Variants in MGAT4C observed in about 807,000 individuals in gnomAD.
MGAT4C encodes the protein MGAT4 family member C, also known as alpha-1,3-mannosyl-glycoprotein 4-beta-N-acetylglucosaminyltransferase C.
A neutral mutation model predicts 40.1 loss-of-function variants in MGAT4C; 19 were observed. That is an observed-to-expected ratio of 0.47 (90% confidence interval 0.33 to 0.70). The LOEUF (loss-of-function observed/expected upper bound fraction) is 0.70. Ranked by LOEUF, MGAT4C falls within the 30% of genes least tolerant of loss-of-function variation. The pLI, the probability that MGAT4C is intolerant of heterozygous loss-of-function variation, is 0.02. For missense variants in MGAT4C, 491 were observed against 563.2 expected (o/e 0.87, Z 1.30); for synonymous variants, 181 against 187.1 (o/e 0.97, Z 0.27).
intron 1 of MGAT4C, among the ~76,000 whole-genome samples, chr12:86,105,871 T>C (rs1876065489): frequency 6.6e-6 from 1 of 152,216 alleles, no homozygotes; most frequent in Non-Finnish European, 1.5e-5. Context: ...ATTTATTTTG[T>C]GCACTTACTT....
At chr12:86,125,717 A>G (rs1051666377) in intron 1 of MGAT4C, among the ~76,000 whole-genome samples, 1 of 152,202 alleles carries the variant, frequency 6.6e-6, no homozygotes, top group Non-Finnish European at 1.5e-5. Flanking sequence ...AGGACAAAAT[A>G]CCAAGAAATC....
chr12:86,622,169 A>G (rs563765748), intron 2 of MGAT4C, among the ~76,000 whole-genome samples: 2 of 152,146 alleles, frequency 1.3e-5, no homozygotes, highest in Non-Finnish European at 2.9e-5. Flanking sequence ...TTTTATTGGT[A>G]AATGGGGAAG....
chr12:86,254,873 C>G (rs1592598564), intron 1 of MGAT4C, among the ~76,000 whole-genome samples: 1 of 151,902 alleles, frequency 6.6e-6, no homozygotes, highest in African/African-American at 2.4e-5. Flanking sequence ...TTGTTCAGAC[C>G]TGAATGGACT....
At chr12:86,140,553 A>G (rs578003280) in intron 1 of MGAT4C, among the ~76,000 whole-genome samples, 43 of 152,204 alleles carry the variant, frequency 2.8e-4, no homozygotes, top group Admixed American at 2.6e-3. Context: ...GAAATACCTA[A>G]TGTAGATGAC....
intron 4 of MGAT4C, among the ~76,000 whole-genome samples, chr12:86,318,641 A>G (rs77902320): frequency 7.2e-4 from 109 of 152,312 alleles, no homozygotes; most frequent in Middle Eastern, 6.8e-3. Context: ...CATGAACAAA[A>G]AAGTCCTGAC....
intron 1 of MGAT4C, among the ~76,000 whole-genome samples, chr12:86,229,640 A>G (rs556682971): frequency 3.9e-5 from 6 of 152,138 alleles, no homozygotes; most frequent in South Asian, 2.1e-4. Context: ...TTTCTTGGCC[A>G]TAAGTAGCTT....
chr12:86,190,653 AT>A (rs1168834275), intron 1 of MGAT4C, among the ~76,000 whole-genome samples: 1 of 152,008 alleles, frequency 6.6e-6, no homozygotes, highest in African/African-American at 2.4e-5. Flanking sequence ...TGAGCTCACA[AT>A]TTTACTTCTA....
chr12:86,165,296 A>G (rs1270007046), intron 1 of MGAT4C, among the ~76,000 whole-genome samples: 2 of 152,144 alleles, frequency 1.3e-5, no homozygotes, highest in Non-Finnish European at 2.9e-5. Context: ...TGTAGTTAAT[A>G]TACTCTTTAA....
At chr12:86,398,833 T>C (rs747027868) in intron 3 of MGAT4C, among the ~76,000 whole-genome samples, 3 of 152,220 alleles carry the variant, frequency 2.0e-5, no homozygotes, top group Non-Finnish European at 4.4e-5. Context: ...ACTTCCATTT[T>C]AGGAGTCCTG....
At chr12:86,403,929 A>T (rs538923256) in intron 3 of MGAT4C, among the ~76,000 whole-genome samples, 1 of 152,340 alleles carries the variant, frequency 6.6e-6, no homozygotes, top group Non-Finnish European at 1.5e-5. Flanking sequence ...AAGCAATGAA[A>T]TTCTGTAAAA....
chr12:86,766,355 C>A (rs997223599), intron 1 of MGAT4C, among the ~76,000 whole-genome samples: 2 of 152,104 alleles, frequency 1.3e-5, no homozygotes, highest in African/African-American at 4.8e-5. Context: ...CAGGAGCACC[C>A]AGATTCATAA....
At chr12:86,700,129 GTAGATAGA>G (rs1249426957) in intron 2 of MGAT4C, among the ~76,000 whole-genome samples, 4 of 146,034 alleles carry the variant, frequency 2.7e-5, no homozygotes, top group Non-Finnish European at 6.0e-5. Context: ...GATAGATAAT[GTAGATAGA>G]TAGACAGACA....
At chr12:86,185,014 T>C (rs1888590125) in intron 1 of MGAT4C, among the ~76,000 whole-genome samples, 1 of 152,158 alleles carries the variant, frequency 6.6e-6, no homozygotes, top group African/African-American at 2.4e-5. Flanking sequence ...CCTGTTTCTG[T>C]CTCTTCAGCC....
upstream of MGAT4C, among the ~76,000 whole-genome samples, chr12:86,258,204 A>AT (rs35638343): frequency 0.044 from 6,583 of 148,494 alleles, 482 homozygotes; most frequent in African/African-American, 0.15. Flanking sequence ...GACTCACTCA[A>AT]TTTTTTTTTT....
At chr12:86,023,615 T>TAC (rs397712450) in intron 2 of MGAT4C, among the ~76,000 whole-genome samples, 2 of 148,438 alleles carry the variant, frequency 1.3e-5, no homozygotes, top group Admixed American at 1.3e-4. Context: ...CGTAATCATA[T>TAC]GTTTATATTT....
At chr12:86,282,901 T>C (rs146273766) in intron 4 of MGAT4C, among the ~76,000 whole-genome samples, 2 of 152,268 alleles carry the variant, frequency 1.3e-5, no homozygotes, top group African/African-American at 4.8e-5. Flanking sequence ...AGCAAAGCAT[T>C]TTGTTATATT....
intron 2 of MGAT4C, among the ~76,000 whole-genome samples, chr12:86,017,620 T>C (rs1308762328): frequency 1.3e-5 from 2 of 152,056 alleles, no homozygotes; most frequent in Non-Finnish European, 2.9e-5. Context: ...GCATCAAAAC[T>C]GAGTACTGGG....
Position 85,980,065 on chromosome 12 carries a change from C to T in MGAT4C, c.661G>A (p.Val221Ile). Residue 221 changes from valine (V) to isoleucine (I), a missense_variant, in exon 5 of 5, where the codon GTA becomes ATA. Coordinates refer to ENST00000611864, the MANE Select transcript of MGAT4C (RefSeq NM_001351288.2). Reference protein sequence around the residue: ...NFCANTSDYYVMLEDDVRCSK... With the variant: ...NFCANTSDYYIMLEDDVRCSK... ...CATCGAACATCATCTTCAAGCATTA[C>T]ATAATAGTCTGAAGTATTGGCACAA... The T allele has an allele frequency of 3.1e-6, 5 of 1,613,682 alleles. No homozygotes were observed. The highest frequency in any genetic ancestry group is 4.2e-6 in the Non-Finnish European group (5 of 1,179,840).
At position 86,764,734 on chromosome 12, in the gene MGAT4C, C is replaced by T. The variant is rs188892532; in HGVS notation, c.-261-37493G>A. Among the ~76,000 whole-genome samples, 123 of 152,298 alleles carry T rather than the reference C, an allele frequency of 8.1e-4. 5 individuals are homozygous for T. The East Asian group carries it at 0.022, about 28-fold the overall frequency. Reference sequence around the variant, plus strand: ...AAAATCCGCTGTTCTGCAGCCACCACTGCTGATACCCAGGCAAACAGGGTC... The same window carrying T: ...AAAATCCGCTGTTCTGCAGCCACCATTGCTGATACCCAGGCAAACAGGGTC... On this transcript the variant is annotated intron_variant, in intron 1 of 7. Coordinates refer to the MGAT4C transcript ENST00000548651.
Sources: gnomAD v4.1 joint callset for allele counts (sites outside exome capture counted in the v4.1 genomes callset) on GRCh38, gnomAD v4.1.1 for gene constraint, MANE v1.5 for transcripts, NCBI Gene and HGNC (gene_info 2026-07-23, HGNC 2026-07-21) for gene names.